DVL3: variants seen among roughly 807,000 people sequenced by gnomAD.
DVL3 encodes the protein dishevelled segment polarity protein 3.
Under a neutral mutation model 67.4 loss-of-function variants are expected in DVL3, and 27 were observed. That is an observed-to-expected ratio of 0.40 (90% CI 0.30 to 0.55). The LOEUF (loss-of-function observed/expected upper bound fraction) is 0.55. DVL3 is among the 20% of genes least tolerant of loss of function. DVL3 has a pLI of 0.46. For synonymous variants in DVL3, 369 were observed against 396.8 expected (o/e 0.93, Z 0.83); for missense variants, 819 against 1,021.5 (o/e 0.80, Z 2.70).
rs369767943 is a variant in DVL3, at chr3:184,166,813, A to G, written c.1049-13A>G. The G allele has an allele frequency of 6.2e-7, 1 of 1,613,500 alleles. No individual in the cohort carries two copies. On this transcript the variant is annotated splice_polypyrimidine_tract_variant and intron_variant, in intron 10 of 14. Coordinates refer to ENST00000313143, the MANE Select transcript of DVL3 (RefSeq NM_004423.4). This position sits in a 1 kb window ranked among gnomAD's most constrained non-coding sequence, Gnocchi z 6.7. ...TGGGGTGGGTAGCCCATGACTCCTCATCCTCCCTGCAGGCGAGCCCATCCG... is the reference window on the plus strand; with the variant it reads ...TGGGGTGGGTAGCCCATGACTCCTCGTCCTCCCTGCAGGCGAGCCCATCCG...
In DVL3 at chr3:184,172,957, G is replaced by T. The variant is rs780514551; in HGVS notation, c.*2202G>T. ...TCTCAACGATTGCTCATGCCTGTCA[G>T]TATCAGTGCTTCCATCGTTCCATCT... is the stretch of plus-strand genomic sequence containing the variant. On this transcript the variant is annotated 3_prime_UTR_variant, in exon 15 of 15. Transcript: ENST00000313143. 1 of 152,308 alleles carries T rather than the reference G, an allele frequency of 6.6e-6. No homozygotes were observed. The highest frequency in any genetic ancestry group is 2.1e-4 in the South Asian group (1 of 4,834). 9.4% of individuals were successfully genotyped at this position (152,308 alleles called of 1,614,324 possible). A position where few individuals can be genotyped will look rare whatever the true frequency, so the allele number is the denominator to read the frequency against.
chr3:184,170,461 G>T lies in DVL3; in HGVS notation c.1857G>T (p.Arg619=), dbSNP rs569284285. The part of the protein sequence containing the change: ...TRSSLRGPRE[R]APSERSGPAA... ...GCAGCCTGCGGGGGCCGCGGGAGCG[G>T]GCGCCCAGCGAGCGCTCAGGGCCGG... Residue 619 remains arginine (R), a synonymous_variant, in exon 15 of 15, where the codon CGG becomes CGT. Coordinates refer to ENST00000313143, the MANE Select transcript of DVL3 (RefSeq NM_004423.4). The surrounding 1 kb of genome is among the most constrained non-coding windows in gnomAD (Gnocchi z 6.5). The T allele has an allele frequency of 8.0e-5, 127 of 1,584,188 alleles. 1 individual carries two copies. In the South Asian group the frequency reaches 1.4e-3, roughly 18 times the overall value.
chr3:184,164,722 C>T lies in DVL3; in HGVS notation c.464-74C>T. On this transcript the variant is annotated intron_variant, in intron 4 of 14. Coordinates refer to ENST00000313143, the MANE Select transcript of DVL3 (RefSeq NM_004423.4). The surrounding 1 kb of genome is among the most constrained non-coding windows in gnomAD (Gnocchi z 5.3). Reference sequence around the variant, plus strand: ...GGATATGCCTGGCCCCAGTGCAGCCCCTGGCTTGCCTCTCTCCCTCCTTCA... The same window carrying T: ...GGATATGCCTGGCCCCAGTGCAGCCTCTGGCTTGCCTCTCTCCCTCCTTCA... The T allele has an allele frequency of 6.2e-7, 1 of 1,604,832 alleles. No homozygotes were observed. Among genetic ancestry groups the T allele is most frequent in the South Asian group, 1.1e-5 (1 of 89,650 alleles).
chr3:184,166,181 C>A lies in DVL3; in HGVS notation c.819C>A (p.Asp273Glu), dbSNP rs367769683. 2 of 1,613,640 alleles carry A rather than the reference C, an allele frequency of 1.2e-6. No individual in the cohort carries two copies. Among genetic ancestry groups the A allele is most frequent in the Admixed American group, 3.3e-5 (2 of 59,768 alleles). The change falls in exon 8 of 15, where the codon GAC becomes GAA. Residue 273 changes from aspartate to glutamate, a missense_variant. Coordinates refer to ENST00000313143, the MANE Select transcript of DVL3 (RefSeq NM_004423.4). This position sits in a 1 kb window ranked among gnomAD's most constrained non-coding sequence, Gnocchi z 6.7. ...SIVGQSNERGDGGIYIGSIMK... is the reference protein window; with the variant it reads ...SIVGQSNERGEGGIYIGSIMK... Reference sequence around the variant, plus strand: ...TGGGCCAAAGCAACGAGCGTGGTGACGGCGGCATCTACATTGGCTCTATCA... The same window carrying A: ...TGGGCCAAAGCAACGAGCGTGGTGAAGGCGGCATCTACATTGGCTCTATCA...
chr3:184,166,123 T>G lies in DVL3; in HGVS notation c.764-3T>G, dbSNP rs747357473. On this transcript the variant is annotated splice_polypyrimidine_tract_variant and splice_region_variant and intron_variant, in intron 7 of 14. Coordinates refer to ENST00000313143, the MANE Select transcript of DVL3 (RefSeq NM_004423.4). The surrounding 1 kb of genome is among the most constrained non-coding windows in gnomAD (Gnocchi z 6.7). The stretch of plus-strand genomic sequence containing the variant: ...CCTTAAGGTCTTAAATTACTCTCTA[T>G]AGAAAAATATAACTTCTTGGGCATC... 6.2e-7 allele frequency: 1 copy of G among 1,612,538 alleles called. No individual in the cohort carries two copies. The highest frequency in any genetic ancestry group is 8.5e-7 in the Non-Finnish European group (1 of 1,179,672).
rs1469948807 is a variant in DVL3, at chr3:184,167,742, G to T, written c.1330+31G>T. 6.3e-7 allele frequency: 1 copy of T among 1,598,118 alleles called. No individual in the cohort carries two copies. ...AGAGCCCCATGGTGGGATGCAGGGT[G>T]GGTGGGGAGTGATGGGGCAGGGCAG... is the stretch of plus-strand genomic sequence containing the variant. On this transcript the variant is annotated intron_variant, in intron 12 of 14. Transcript: ENST00000313143. The surrounding 1 kb of genome is among the most constrained non-coding windows in gnomAD (Gnocchi z 4.6).
rs2109021131 is a variant in DVL3 at position 184,164,708 on chromosome 3, GC to G, written c.464-84del. 6.3e-7 allele frequency: 1 copy of G among 1,592,910 alleles called. No homozygotes were observed. The highest frequency in any genetic ancestry group is 8.6e-7 in the Non-Finnish European group (1 of 1,167,456). The stretch of plus-strand genomic sequence containing the variant: ...ACTTCCCGAGCTCAGGATATGCCTG[GC>G]CCCAGTGCAGCCCCTGGCTTGCCTC... On this transcript the variant is annotated intron_variant, in intron 4 of 14. Transcript: ENST00000313143. The surrounding 1 kb of genome is among the most constrained non-coding windows in gnomAD (Gnocchi z 5.3).
At position 184,165,969 on chromosome 3, in the gene DVL3, A is replaced by C. The variant is rs992778035; in HGVS notation, c.764-157A>C. On this transcript the variant is annotated intron_variant, in intron 7 of 14. Transcript: ENST00000313143. This position sits in a 1 kb window ranked among gnomAD's most constrained non-coding sequence, Gnocchi z 4.1. ...CTGAGTCCCTACCTTATAGCCAGCA[A>C]GGGTTCCATGGAAGCATGTTTGAGC... Among the ~76,000 whole-genome samples the C allele has an allele frequency of 6.6e-6, 1 of 152,222 alleles. No individual in the cohort carries two copies. Among genetic ancestry groups the C allele is most frequent in the African/African-American group, 2.4e-5 (1 of 41,462 alleles).
chr3:184,166,359 G>A lies in DVL3; in HGVS notation c.904-87G>A. The A allele has an allele frequency of 6.2e-7, 1 of 1,607,720 alleles. No homozygotes were observed. Among genetic ancestry groups the A allele is most frequent in the Non-Finnish European group, 8.5e-7 (1 of 1,175,292 alleles). On this transcript the variant is annotated intron_variant, in intron 8 of 14. Coordinates refer to ENST00000313143, the MANE Select transcript of DVL3 (RefSeq NM_004423.4). This position sits in a 1 kb window ranked among gnomAD's most constrained non-coding sequence, Gnocchi z 6.7. ...CTCCTTCAGAGGCCCCTTCTTGGTT[G>A]GGGGAAGACTCCCTGACCTACCAAG...
chr3:184,162,560 C>CTTTTTTTTTTTTTTTTTTTT (rs35869796), intron 1 of DVL3, among the ~76,000 whole-genome samples: 1 of 123,544 alleles, frequency 8.1e-6, no homozygotes, highest in Non-Finnish European at 1.6e-5. Context: ...TTTTTCTTTT[C>CTTTTTTTTTTTTTTTTTTTT]TTTTTTTTTT....
intron 1 of DVL3, among the ~76,000 whole-genome samples, chr3:184,157,695 A>G (rs139139547): frequency 1.1e-4 from 16 of 152,380 alleles, no homozygotes; most frequent in African/African-American, 3.1e-4. Context: ...GAACTAAGCA[A>G]TGTTAATCTG....
rs1714919909 is a variant in DVL3 at position 184,173,475 on chromosome 3, A to G, written c.*2720A>G. On this transcript the variant is annotated 3_prime_UTR_variant, in exon 15 of 15. Coordinates refer to ENST00000313143, the MANE Select transcript of DVL3 (RefSeq NM_004423.4). ...CCTCTCTGAGCCTCAGTTCCCTCGTATGTAAAATGATGATAATAATACCTA... is the reference window on the plus strand; with the variant it reads ...CCTCTCTGAGCCTCAGTTCCCTCGTGTGTAAAATGATGATAATAATACCTA... The G allele has an allele frequency of 6.6e-6, 1 of 152,198 alleles. No homozygotes were observed. Among genetic ancestry groups the G allele is most frequent in the Admixed American group, 6.5e-5 (1 of 15,282 alleles). 9.4% of individuals were successfully genotyped at this position (152,198 alleles called of 1,614,324 possible).
rs750839362 is a variant in DVL3, at chr3:184,167,481, T to C, written c.1199-99T>C. 1 of 1,190,180 alleles carries C rather than the reference T, an allele frequency of 8.4e-7. No individual in the cohort carries two copies. The allele number at this position is 1,190,180 out of a possible 1,614,324, so 73.7% of individuals were successfully genotyped here. A position where few individuals can be genotyped will look rare whatever the true frequency, so the allele number is the denominator to read the frequency against. ...AAGAAATCAGTAATTTTCCCAGCATTGATCCCATAATTACTAGATGGTAGA... is the reference window on the plus strand; with the variant it reads ...AAGAAATCAGTAATTTTCCCAGCATCGATCCCATAATTACTAGATGGTAGA... On this transcript the variant is annotated intron_variant, in intron 11 of 14. Coordinates refer to ENST00000313143, the MANE Select transcript of DVL3 (RefSeq NM_004423.4). The surrounding 1 kb of genome is among the most constrained non-coding windows in gnomAD (Gnocchi z 4.6).
intron 1 of DVL3, among the ~76,000 whole-genome samples, chr3:184,162,747 C>G (rs368436006): frequency 6.6e-6 from 1 of 151,908 alleles, no homozygotes; most frequent in Non-Finnish European, 1.5e-5. Flanking sequence ...GGCTTGACTC[C>G]AAAATCCATA....
chr3:184,164,703 G>T lies in DVL3; in HGVS notation c.464-93G>T. ...GCCCTACTTCCCGAGCTCAGGATAT[G>T]CCTGGCCCCAGTGCAGCCCCTGGCT... On this transcript the variant is annotated intron_variant, in intron 4 of 14. Coordinates refer to ENST00000313143, the MANE Select transcript of DVL3 (RefSeq NM_004423.4). The surrounding 1 kb of genome is among the most constrained non-coding windows in gnomAD (Gnocchi z 5.3). The T allele has an allele frequency of 6.3e-7, 1 of 1,589,912 alleles. No individual in the cohort carries two copies. Among genetic ancestry groups the T allele is most frequent in the South Asian group, 1.1e-5 (1 of 87,014 alleles).
At position 184,170,145 on chromosome 3, in the gene DVL3, A is replaced by C. The variant is rs753090630; in HGVS notation, c.1638A>C (p.Pro546=). The change falls in exon 14 of 15, where the codon CCA becomes CCC. Residue 546 remains proline (P), a synonymous_variant. Coordinates refer to ENST00000313143, the MANE Select transcript of DVL3 (RefSeq NM_004423.4). This position sits in a 1 kb window ranked among gnomAD's most constrained non-coding sequence, Gnocchi z 6.5. The stretch of plus-strand genomic sequence containing the variant: ...ACCAGTACCCGCCACCCCCGCACCC[A>C]TACAACCCGCACCCGGGCTTCCCGG... ...FPYQYPPPPH[P]YNPHPGFPEL... 4.3e-6 allele frequency: 7 copies of C among 1,611,494 alleles called. No homozygotes were observed. In the East Asian group the frequency reaches 1.4e-4, roughly 32 times the overall value.
At position 184,165,519 on chromosome 3, in the gene DVL3, G is replaced by A. The variant is rs544444714; in HGVS notation, c.763+28G>A. 2.8e-5 allele frequency: 44 copies of A among 1,599,832 alleles called. No individual in the cohort carries two copies. Among genetic ancestry groups the A allele is most frequent in the Non-Finnish European group, 3.3e-5 (39 of 1,167,210 alleles). On this transcript the variant is annotated intron_variant, in intron 7 of 14. Coordinates refer to ENST00000313143, the MANE Select transcript of DVL3 (RefSeq NM_004423.4). This position sits in a 1 kb window ranked among gnomAD's most constrained non-coding sequence, Gnocchi z 4.1. ...GAGTCTGAGGAAACAGCACTCTCAA[G>A]CACCTGCTATATGCCAGACACTGGG...
At position 184,166,603 on chromosome 3, in the gene DVL3, C is replaced by T; in HGVS notation, c.981-3C>T. 1.9e-6 allele frequency: 3 copies of T among 1,614,204 alleles called. No homozygotes were observed. Among genetic ancestry groups the T allele is most frequent in the Non-Finnish European group, 2.5e-6 (3 of 1,180,030 alleles). On this transcript the variant is annotated splice_region_variant and splice_polypyrimidine_tract_variant and intron_variant, in intron 9 of 14. Transcript: ENST00000313143. The surrounding 1 kb of genome is among the most constrained non-coding windows in gnomAD (Gnocchi z 6.7). ...GCCTTCACTAGGACACCCTTGTTTT[C>T]AGGCCCATCACCCTGACTGTAGCCA...
chr3:184,170,130 G>A lies in DVL3; in HGVS notation c.1623G>A (p.Pro541=), dbSNP rs755327980. 1.9e-6 allele frequency: 3 copies of A among 1,613,620 alleles called. No homozygotes were observed. The highest frequency in any genetic ancestry group is 1.1e-5 in the South Asian group (1 of 91,078). ...CCATGGCTTTCCCGTACCAGTACCC[G>A]CCACCCCCGCACCCATACAACCCGC... ...PWPMAFPYQY[P]PPPHPYNPHP... The change falls in exon 14 of 15, where the codon CCG becomes CCA. Residue 541 remains proline, a synonymous_variant. Coordinates refer to ENST00000313143, the MANE Select transcript of DVL3 (RefSeq NM_004423.4). The surrounding 1 kb of genome is among the most constrained non-coding windows in gnomAD (Gnocchi z 6.5).
Sources: allele counts gnomAD v4.1 joint callset (sites outside exome capture counted in the v4.1 genomes callset), GRCh38; gene constraint gnomAD v4.1.1; non-coding constraint Gnocchi (gnomAD v3.1); transcripts MANE v1.5; gene names NCBI Gene and HGNC (gene_info 2026-07-23, HGNC 2026-07-21).